The following NFASC variants were observed in gnomAD, a reference collection of about 807,000 sequenced individuals.
The protein encoded by NFASC is neurofascin homolog.
In NFASC, 43 loss-of-function variants were observed where a neutral mutation model predicts 147.5. The observed-to-expected ratio is 0.29, with a 90% confidence interval of 0.23 to 0.38. NFASC has a LOEUF of 0.38. NFASC is among the 10% of genes least tolerant of loss of function. The probability of loss-of-function intolerance (pLI) is 1.00; values close to 1 mark genes in which losing one functional copy is unlikely to be tolerated. For synonymous variants in NFASC, 622 were observed against 665.5 expected (o/e 0.93, Z 1.01); for missense variants, 1,320 against 1,689.0 (o/e 0.78, Z 3.83).
rs570993671 is a variant in NFASC, at chr1:205,002,706, G to A, written c.3247G>A (p.Glu1083Lys). 9 of 1,575,778 alleles carry A rather than the reference G, an allele frequency of 5.7e-6. No homozygotes were observed. The highest frequency in any genetic ancestry group is 1.3e-5 in the African/African-American group (1 of 74,352). Residue 1083 changes from glutamate (E) to lysine (K), a missense_variant, in exon 27 of 30, where the codon GAG becomes AAG. Physicochemically the swap from Glu to Lys is moderately conservative, Grantham distance 56. Around this residue, in one of 3 missense-constraint regions of NFASC, gnomAD observed 167 missense variants for 233.8 expected, o/e 0.71. Transcript: ENST00000339876. ...GTTGCGGGTTTATTCCCGGGACAAC[G>A]AGGGCATCAGCAGTACCGTCATCAC... ...YTLRVYSRDN[E>K]GISSTVITFM...
chr1:204,983,018 TC>T (rs1558361673), intron 21 of NFASC, among the ~76,000 whole-genome samples: 1 of 152,108 alleles, frequency 6.6e-6, no homozygotes, highest in East Asian at 1.9e-4. Flanking sequence ...CCTCTGTCCA[TC>T]CCACTCCTCA....
intron 2 of NFASC, among the ~76,000 whole-genome samples, chr1:204,936,910 C>T (rs955906542): frequency 6.6e-6 from 1 of 152,236 alleles, no homozygotes; most frequent in Non-Finnish European, 1.5e-5. Context: ...TCCTTGCGCC[C>T]TCCAAGCTCC....
At chr1:204,885,393 G>C (rs1019713630) in intron 1 of NFASC, among the ~76,000 whole-genome samples, 1 of 152,110 alleles carries the variant, frequency 6.6e-6, no homozygotes, top group Non-Finnish European at 1.5e-5. Context: ...GCCCTGTGGG[G>C]GGGGAAGCAT....
chr1:204,948,695 G>C (rs763903873), intron 3 of NFASC: 1 of 519,042 alleles, frequency 1.9e-6, no homozygotes, highest in Non-Finnish European at 3.8e-6. Flanking sequence ...TTCTTCCTTG[G>C]ATCTGGAGAT....
intron 1 of NFASC, among the ~76,000 whole-genome samples, chr1:204,869,617 C>T (rs548802622): frequency 6.6e-6 from 1 of 152,244 alleles, no homozygotes; most frequent in South Asian, 2.1e-4. Flanking sequence ...AATCTTTGTA[C>T]TCAAGTTGAC....
In NFASC at chr1:204,954,059, A is replaced by T; in HGVS notation, c.216-129A>T. ...CTCAGCCAGGCTGAGACCTGTTGGT[A>T]TGGGGTGCCACGATGGGACTGAGAG... On this transcript the variant is annotated intron_variant, in intron 5 of 29. Transcript: ENST00000339876. The surrounding 1 kb of genome is among the most constrained non-coding windows in gnomAD (Gnocchi z 5.7). 5.3e-6 allele frequency: 4 copies of T among 747,784 alleles called. No individual in the cohort carries two copies. Among genetic ancestry groups the T allele is most frequent in the African/African-American group, 1.7e-5 (1 of 57,300 alleles). 46.3% of individuals were successfully genotyped at this position (747,784 alleles called of 1,614,324 possible).
chr1:204,932,331 T>G (rs2092435635), intron 2 of NFASC, among the ~76,000 whole-genome samples: 1 of 152,178 alleles, frequency 6.6e-6, no homozygotes, highest in African/African-American at 2.4e-5. Context: ...TTGAGATTTT[T>G]TAAAGGCTTG....
rs2096368411 is a variant in NFASC at position 205,017,088 on chromosome 1, C to T, written c.*549C>T. 1 of 186,070 alleles carries T rather than the reference C, an allele frequency of 5.4e-6. No homozygotes were observed. The highest frequency in any genetic ancestry group is 1.2e-5 in the Non-Finnish European group (1 of 86,714). The allele number at this position is 186,070 out of a possible 1,614,324, so 11.5% of individuals were successfully genotyped here. The stretch of plus-strand genomic sequence containing the variant: ...ACAGGCTGTAATATTCAAACCACCT[C>T]TGGGCCAATGCATTTCCAAAGGATG... On this transcript the variant is annotated 3_prime_UTR_variant, in exon 30 of 30. Coordinates refer to ENST00000339876, the MANE Select transcript of NFASC (RefSeq NM_001005388.3).
chr1:204,976,765 G>A lies in NFASC; in HGVS notation c.1801G>A (p.Asp601Asn), dbSNP rs768967076. 1 of 1,614,048 alleles carries A rather than the reference G, an allele frequency of 6.2e-7. No homozygotes were observed. The highest frequency in any genetic ancestry group is 1.7e-5 in the Admixed American group (1 of 60,012). ...TCVASTELDQ[D>N]LAKAYLTVLA... ...TGTCGCCAGCACCGAGCTAGACCAA[G>A]ACCTGGCCAAGGCCTACCTCACCGT... Residue 601 changes from aspartate (D) to asparagine (N), a missense_variant, in exon 16 of 30, where the codon GAC becomes AAC. Physicochemically the swap from Asp to Asn is conservative, Grantham distance 23 (BLOSUM62 1). Coordinates refer to ENST00000339876, the MANE Select transcript of NFASC (RefSeq NM_001005388.3).
chr1:204,946,172 G>T (rs981756928), intron 3 of NFASC: 59 of 385,898 alleles, frequency 1.5e-4, no homozygotes, highest in Admixed American at 1.5e-3. Flanking sequence ...TGTGTTCGCG[G>T]AAACTCAAGC....
At chr1:204,838,588 G>A (rs77521062) in intron 1 of NFASC, among the ~76,000 whole-genome samples, 5,435 of 150,954 alleles carry the variant, frequency 0.036, 271 homozygotes, top group East Asian at 0.2. Flanking sequence ...AAGACTTTTC[G>A]GAGCCTGGAA....
intron 1 of NFASC, among the ~76,000 whole-genome samples, chr1:204,908,775 A>C (rs2086629711): frequency 6.6e-6 from 1 of 152,144 alleles, no homozygotes; most frequent in Non-Finnish European, 1.5e-5. Flanking sequence ...TCCTATATAA[A>C]TATATCATTT....
At chr1:204,972,777 A>G (rs769476650) in intron 11 of NFASC, among the ~76,000 whole-genome samples, 5 of 152,206 alleles carry the variant, frequency 3.3e-5, no homozygotes, top group African/African-American at 9.7e-5. Flanking sequence ...ACACACTTAA[A>G]TATATGCACA....
intron 1 of NFASC, among the ~76,000 whole-genome samples, chr1:204,887,692 G>A (rs985230942): frequency 6.9e-6 from 1 of 143,984 alleles, no homozygotes; most frequent in Non-Finnish European, 1.5e-5. Flanking sequence ...GAACTCCCAG[G>A]CTCAAACAGT....
chr1:204,891,942 C>A (rs2149050762), intron 1 of NFASC, among the ~76,000 whole-genome samples: 1 of 152,314 alleles, frequency 6.6e-6, no homozygotes, highest in Non-Finnish European at 1.5e-5. Flanking sequence ...CCATAATCTT[C>A]TCCAGCCCTA....
intron 27 of NFASC, among the ~76,000 whole-genome samples, chr1:205,006,816 CA>C (rs577351851): frequency 7.8e-4 from 118 of 152,222 alleles, no homozygotes; most frequent in African/African-American, 2.7e-3. Context: ...AGAATCAAGG[CA>C]GGGGGCAGGA....
At chr1:204,829,387 G>C (rs1671559944) in intron 1 of NFASC, among the ~76,000 whole-genome samples, 1 of 151,512 alleles carries the variant, frequency 6.6e-6, no homozygotes, top group African/African-American at 2.4e-5. Flanking sequence ...CCCCCCTTTG[G>C]CTGTTAGCTG....
At chr1:204,918,054 T>C (rs1464065223) in intron 1 of NFASC, among the ~76,000 whole-genome samples, 1 of 152,220 alleles carries the variant, frequency 6.6e-6, no homozygotes, top group African/African-American at 2.4e-5. Context: ...GCAATCTCAT[T>C]AATCTTACTT....
chr1:204,977,576 G>C, intron 16 of NFASC, 105 bp from the exon 17 acceptor site: 1 of 1,021,426 alleles, frequency 9.8e-7, no homozygotes, highest in Non-Finnish European at 1.5e-6. Flanking sequence ...GAACACCTCA[G>C]CCCAGAGGCA....
Sources: allele counts gnomAD v4.1 joint callset (sites outside exome capture counted in the v4.1 genomes callset), GRCh38; gene constraint gnomAD v4.1.1; regional missense constraint gnomAD v4.1.1; non-coding constraint Gnocchi (gnomAD v3.1); transcripts MANE v1.5; gene names NCBI Gene and HGNC (gene_info 2026-07-23, HGNC 2026-07-21).